The following UAP1 variants were observed in gnomAD, a reference collection of about 807,000 sequenced individuals.
UAP1 encodes the protein UDP-N-acetylglucosamine pyrophosphorylase 1, also known as UDP-N-acetylhexosamine pyrophosphorylase.
A neutral mutation model predicts 58.5 loss-of-function variants in UAP1; 25 were observed. The observed-to-expected ratio is 0.43, with a 90% CI of 0.31 to 0.60. UAP1 has a LOEUF of 0.60. Ranked by LOEUF, UAP1 falls within the 20% of genes least tolerant of loss-of-function variation. The pLI, the probability that UAP1 is intolerant of heterozygous loss-of-function variation, is 0.11. For missense variants in UAP1, 575 were observed against 630.0 expected (o/e 0.91, Z 0.93); for synonymous variants, 208 against 213.0 (o/e 0.98, Z 0.21).
Position 162,579,421 on chromosome 1 carries a change from T to C in UAP1, c.486-7T>C, listed in dbSNP as rs750309916. 2.0e-6 allele frequency: 3 copies of C among 1,499,770 alleles called. No individual in the cohort carries two copies. The highest frequency in any genetic ancestry group is 4.5e-5 in the Admixed American group (2 of 44,262). 92.9% of individuals were successfully genotyped at this position (1,499,770 alleles called of 1,614,324 possible). A position where few individuals can be genotyped will look rare whatever the true frequency, so the allele number is the denominator to read the frequency against. On this transcript the variant is annotated splice_region_variant and splice_polypyrimidine_tract_variant and intron_variant, in intron 3 of 10. Coordinates refer to ENST00000271469, the Ensembl canonical transcript of UAP1. Reference sequence around the variant, plus strand: ...GTTGCTTAGAAGATCTGATTTTCTCTTGTAAGGTATATAATGACCAGTGGC... The same window carrying C: ...GTTGCTTAGAAGATCTGATTTTCTCCTGTAAGGTATATAATGACCAGTGGC...
At chr1:162,565,350 ATT>A (rs1653423088) in intron 1 of UAP1, among the ~76,000 whole-genome samples, 1 of 152,162 alleles carries the variant, frequency 6.6e-6, no homozygotes, top group South Asian at 2.1e-4. Flanking sequence ...TTTAGAAAAC[ATT>A]TGTCTTATTC....
rs1235047151 is a variant in UAP1 at position 162,588,931 on chromosome 1, G to A, written c.1169+98G>A. ...AACTGTTTTCAGGAAACATTTGATA[G>A]CACATATCTCACATGGCATTTTGAT... On this transcript the variant is annotated intron_variant, in intron 7 of 10. Coordinates refer to ENST00000271469, the Ensembl canonical transcript of UAP1. The A allele has an allele frequency of 1.9e-5, 23 of 1,185,286 alleles. No homozygotes were observed. In the South Asian group the frequency reaches 2.7e-4, roughly 14 times the overall value. The allele number at this position is 1,185,286 out of a possible 1,614,324, so 73.4% of individuals were successfully genotyped here.
intron 6 of UAP1, 136 bp downstream of exon 6, chr1:162,587,804 A>G: frequency 1.2e-6 from 1 of 842,918 alleles, no homozygotes; most frequent in Non-Finnish European, 1.8e-6. Context: ...TCAAATGGAC[A>G]TTTATCTCAT....
intron 4 of UAP1, 50 bp downstream of exon 4, chr1:162,579,653 A>G: frequency 7.4e-7 from 1 of 1,360,028 alleles, no homozygotes; most frequent in Non-Finnish European, 9.8e-7. Flanking sequence ...AACAACATAA[A>G]TCATCAAATG....
intron 2 of UAP1, among the ~76,000 whole-genome samples, chr1:162,567,804 T>G (rs1226455123): frequency 6.6e-6 from 1 of 152,214 alleles, no homozygotes; most frequent in African/African-American, 2.4e-5. Flanking sequence ...TTTGTTTCTT[T>G]GTGGTTTTTT....
At chr1:162,566,013 T>C in exon 2 of UAP1, 1 of 1,533,682 alleles carries the variant, frequency 6.5e-7, no homozygotes, top group Non-Finnish European at 8.8e-7. Flanking sequence ...CTCTTTTAGG[T>C]TTACAGGTAC....
intron 5 of UAP1, among the ~76,000 whole-genome samples, chr1:162,582,572 C>A (rs1322495377): frequency 6.6e-6 from 1 of 152,062 alleles, no homozygotes; most frequent in Admixed American, 6.6e-5. Flanking sequence ...AAAGCTCATA[C>A]AAATATCAGT....
At position 162,578,455 on chromosome 1, in the gene UAP1, A is replaced by C. The variant is rs1031392566; in HGVS notation, c.486-973A>C. 4.6e-5 allele frequency among the ~76,000 whole-genome samples: 7 copies of C among 152,180 alleles called. No individual in the cohort carries two copies. The South Asian group carries it at 1.0e-3, about 22-fold the overall frequency. On this transcript the variant is annotated intron_variant, in intron 3 of 10. Transcript: ENST00000271469. ...AGCTCTTCTAGCTCTTCTCACCACG[A>C]GTACTGGCCTGCTGTGAACTGTTTT...
At chr1:162,583,905 G>C (rs1361544576) in intron 5 of UAP1, among the ~76,000 whole-genome samples, 1 of 152,192 alleles carries the variant, frequency 6.6e-6, no homozygotes, top group Admixed American at 6.5e-5. Context: ...CTCCCAAAGT[G>C]CTGGGATTAC....
chr1:162,577,704 C>T (rs1460139756), intron 3 of UAP1, among the ~76,000 whole-genome samples: 6 of 151,640 alleles, frequency 4.0e-5, no homozygotes, highest in East Asian at 1.9e-4. Flanking sequence ...CCCTGCCTCC[C>T]GGGTTCAAGC....
chr1:162,584,270 G>A (rs1407948292), intron 5 of UAP1, among the ~76,000 whole-genome samples: 2 of 152,152 alleles, frequency 1.3e-5, no homozygotes, highest in Non-Finnish European at 2.9e-5. Context: ...GTCATTCAGT[G>A]AATGAATAAG....
At chr1:162,584,862 GT>G (rs1654810688) in intron 5 of UAP1, among the ~76,000 whole-genome samples, 1 of 152,204 alleles carries the variant, frequency 6.6e-6, no homozygotes, top group Admixed American at 6.5e-5. Context: ...GACTGAAAGA[GT>G]GAGGTAGTTT....
At chr1:162,590,276 T>C in intron 7 of UAP1, 47 bp from the exon 8 acceptor site, 1 of 1,491,132 alleles carries the variant, frequency 6.7e-7, no homozygotes, top group South Asian at 1.3e-5. Flanking sequence ...TTAGAAGCTG[T>C]GTATGCAGTT....
intron 1 of UAP1, among the ~76,000 whole-genome samples, chr1:162,562,000 C>T (rs1653171045): frequency 6.6e-6 from 1 of 152,230 alleles, no homozygotes; most frequent in Non-Finnish European, 1.5e-5. Context: ...CTCCGCCACC[C>T]CGCGAGAGGG....
intron 10 of UAP1, among the ~76,000 whole-genome samples, chr1:162,598,982 C>T (rs149456390): frequency 1.0e-4 from 15 of 150,450 alleles, no homozygotes; most frequent in East Asian, 1.9e-4. Context: ...GAGACTACTC[C>T]GTCTCAAAAA....
chr1:162,597,193 T>C (rs930905406), intron 9 of UAP1: 19 of 152,260 alleles, frequency 1.2e-4, no homozygotes, highest in African/African-American at 4.6e-4. Flanking sequence ...ATCTTTGTTG[T>C]CCAGTTTTGT....
rs374269258 is a variant in UAP1, at chr1:162,598,640, CTT to C, written c.1477-628_1477-627del. ...ACTTGGGGATTTAGAGGTCTCTACT[CTT>C]TTACTTATGTAATATTTTTCCTGGA... is the stretch of plus-strand genomic sequence containing the variant. On this transcript the variant is annotated intron_variant, in intron 10 of 10. Coordinates refer to ENST00000271469, the Ensembl canonical transcript of UAP1. 4.6e-4 allele frequency among the ~76,000 whole-genome samples: 70 copies of C among 152,246 alleles called. No individual in the cohort carries two copies. In the East Asian group the frequency reaches 0.011, roughly 23 times the overall value.
At chr1:162,571,097 T>C (rs961855460) in intron 2 of UAP1, among the ~76,000 whole-genome samples, 1 of 151,830 alleles carries the variant, frequency 6.6e-6, no homozygotes, top group African/African-American at 2.4e-5. Flanking sequence ...GCTTTCTTTT[T>C]TTTTTTTTTT....
chr1:162,598,417 A>G (rs1389150718), intron 10 of UAP1, among the ~76,000 whole-genome samples: 6 of 152,314 alleles, frequency 3.9e-5, no homozygotes, highest in South Asian at 4.1e-4. Context: ...CATCTATCCC[A>G]TAAGTGGGTT....
Sources: allele counts gnomAD v4.1 joint callset (sites outside exome capture counted in the v4.1 genomes callset), GRCh38; gene constraint gnomAD v4.1.1; transcripts MANE v1.5; gene names NCBI Gene and HGNC (gene_info 2026-07-23, HGNC 2026-07-21).